CSNK1A1: variants seen among roughly 807,000 people sequenced by gnomAD.
The protein encoded by CSNK1A1 is casein kinase I isoform alpha.
Under a neutral mutation model 46.1 loss-of-function variants are expected in CSNK1A1, and 7 were observed. The ratio of observed to expected loss-of-function variants is 0.15; its 90% CI spans 0.09 to 0.29. The LOEUF (loss-of-function observed/expected upper bound fraction) is 0.29. Among genes scored for constraint, CSNK1A1 ranks in the 10% least tolerant of loss-of-function variants. The pLI is 1.00. For missense variants in CSNK1A1, 96 were observed against 417.1 expected (o/e 0.23, Z 6.71); for synonymous variants, 137 against 141.5 (o/e 0.97, Z 0.23).
chr5:149,542,661 TATATATATATGTATATATATATATATA>T lies in CSNK1A1; in HGVS notation c.230+7387_230+7413del, dbSNP rs1762328878. 2.6e-4 allele frequency among the ~76,000 whole-genome samples: 3 copies of T among 11,470 alleles called. 1 individual carries two copies. The highest frequency in any genetic ancestry group is 4.4e-4 in the Non-Finnish European group (3 of 6,752). The allele number at this position is 11,470 out of a possible 152,430, so 7.5% of individuals were successfully genotyped here. On this transcript the variant is annotated intron_variant, in intron 2 of 9. Transcript: ENST00000377843. Reference sequence around the variant, plus strand: ...ATATGTATATATATATATATATATATATATATATATGTATATATATATATATATATATTTTTTTTTTTTTTTTTTTTT... The same window carrying T: ...ATATGTATATATATATATATATATATTATATTTTTTTTTTTTTTTTTTTTT...
At chr5:149,507,464 CT>C (rs572610497) in intron 7 of CSNK1A1, among the ~76,000 whole-genome samples, 233 of 144,900 alleles carry the variant, frequency 1.6e-3, no homozygotes, top group Admixed American at 1.5e-3. Context: ...TCTTCGTGAA[CT>C]TTTTTTTTTT....
At position 149,550,680 on chromosome 5, in the gene CSNK1A1, G is replaced by A. The variant is rs565384667; in HGVS notation, c.123+162C>T. 6.6e-6 allele frequency among the ~76,000 whole-genome samples: 1 copy of A among 152,062 alleles called. No individual in the cohort carries two copies. Among genetic ancestry groups the A allele is most frequent in the Non-Finnish European group, 1.5e-5 (1 of 68,016 alleles). On this transcript the variant is annotated intron_variant, in intron 1 of 9. Transcript: ENST00000377843. This position sits in a 1 kb window ranked among gnomAD's most constrained non-coding sequence, Gnocchi z 4.3. ...CTATCGGGTTCTTGACCCTTTTAGG[G>A]AGACAGCGGACGAGGTTCGTAAGCC...
chr5:149,550,831 C>T lies in CSNK1A1; in HGVS notation c.123+11G>A. The T allele has an allele frequency of 6.2e-7, 1 of 1,613,876 alleles. No individual in the cohort carries two copies. Among genetic ancestry groups the T allele is most frequent in the Non-Finnish European group, 8.5e-7 (1 of 1,179,864 alleles). On this transcript the variant is annotated intron_variant, in intron 1 of 9. Transcript: ENST00000377843. The surrounding 1 kb of genome is among the most constrained non-coding windows in gnomAD (Gnocchi z 4.3). ...CGCAGCGTTATCGTGAACCCCACCC[C>T]AGATGATTACCTCGCCGTTGGTGAT...
intron 3 of CSNK1A1, among the ~76,000 whole-genome samples, chr5:149,521,219 T>C (rs1362199444): frequency 1.3e-5 from 2 of 152,004 alleles, no homozygotes; most frequent in East Asian, 1.9e-4. Flanking sequence ...TTTTGATAGA[T>C]AATATCACAC....
At chr5:149,535,880 A>C (rs1762046503) in intron 2 of CSNK1A1, among the ~76,000 whole-genome samples, 1 of 152,050 alleles carries the variant, frequency 6.6e-6, no homozygotes. Context: ...TCCTGACCTC[A>C]AGTGATCCAC....
At chr5:149,529,748 C>T (rs1031501993) in intron 2 of CSNK1A1, 2 of 456,064 alleles carry the variant, frequency 4.4e-6, no homozygotes, top group Admixed American at 2.4e-5. Context: ...ACTATTACTA[C>T]AGTTTGTGGC....
rs1365947289 is a variant in CSNK1A1, at chr5:149,505,623, A to C, written c.858-28T>G. 3.2e-6 allele frequency: 5 copies of C among 1,581,006 alleles called. No homozygotes were observed. The East Asian group carries it at 1.1e-4, about 35-fold the overall frequency. On this transcript the variant is annotated intron_variant, in intron 8 of 9. Coordinates refer to ENST00000377843, the MANE Select transcript of CSNK1A1 (RefSeq NM_001892.6). ...GGAACACATAAAATATTTTATGTTA[A>C]TCCTTTAATAACAGAGTCCAGTTAT...
In CSNK1A1 at chr5:149,522,909, A is replaced by G. The variant is rs112076541; in HGVS notation, c.357+2136T>C. Among the ~76,000 whole-genome samples the G allele has an allele frequency of 8.4e-4, 128 of 152,320 alleles. 2 individuals are homozygous for G. The highest frequency in any genetic ancestry group is 2.8e-3 in the African/African-American group (117 of 41,576). ...TTATTTTTTTGCCACCCCAACCCCC[A>G]GCACTAAGTACAGTGGTAGGCTCTC... On this transcript the variant is annotated intron_variant, in intron 3 of 9. Transcript: ENST00000377843.
chr5:149,550,941 C>T lies in CSNK1A1; in HGVS notation c.24G>A (p.Lys8=), dbSNP rs1462221885. The T allele has an allele frequency of 6.2e-7, 1 of 1,614,166 alleles. No homozygotes were observed. Among genetic ancestry groups the T allele is most frequent in the Non-Finnish European group, 8.5e-7 (1 of 1,180,022 alleles). ...ATTTCCCTCCGACAATGAATTCAGC[C>T]TTGGAGCCGCTGCTACTCGCCATCC... The part of the protein sequence containing the change: MASSSGS[K]AEFIVGGKYK... Residue 8 remains lysine, a synonymous_variant, in exon 1 of 10, where the codon AAG becomes AAA. Transcript: ENST00000377843. The surrounding 1 kb of genome is among the most constrained non-coding windows in gnomAD (Gnocchi z 4.3).
intron 9 of CSNK1A1, chr5:149,502,520 T>TGGGGG (rs61707983): frequency 2.7e-4 from 6 of 21,928 alleles, no homozygotes; most frequent in African/African-American, 6.0e-4. Context: ...TTTTTTTTTT[T>TGGGGG]GGGGGGGGGG....
Position 149,511,859 on chromosome 5 carries a change from T to C in CSNK1A1, c.610A>G (p.Met204Val). 6.2e-7 allele frequency: 1 copy of C among 1,608,254 alleles called. No individual in the cohort carries two copies. The highest frequency in any genetic ancestry group is 8.5e-7 in the Non-Finnish European group (1 of 1,177,674). ...LGIEQSRRDDMESLGYVLMYF... is the reference protein window; with the variant it reads ...LGIEQSRRDDVESLGYVLMYF... ...ATCAAAACATATCCTAATGATTCCA[T>C]GTCATCTCGGCGACTAGAAAAGAGA... The change falls in exon 6 of 10, where the codon ATG (methionine) becomes GTG (valine). Residue 204 changes from methionine (M) to valine (V), a missense_variant. Coordinates refer to ENST00000377843, the MANE Select transcript of CSNK1A1 (RefSeq NM_001892.6).
At chr5:149,519,332 T>C (rs1761494100) in intron 4 of CSNK1A1, among the ~76,000 whole-genome samples, 1 of 151,772 alleles carries the variant, frequency 6.6e-6, no homozygotes. Context: ...GTAAAACAAA[T>C]GGGCATCTTC....
Position 149,550,391 on chromosome 5 carries a change from G to A in CSNK1A1, c.124-210C>T. The A allele has an allele frequency of 7.4e-7, 1 of 1,345,472 alleles. No individual in the cohort carries two copies. Among genetic ancestry groups the A allele is most frequent in the South Asian group, 1.8e-5 (1 of 54,394 alleles). 83.3% of individuals were successfully genotyped at this position (1,345,472 alleles called of 1,614,324 possible). A position where few individuals can be genotyped will look rare whatever the true frequency, so the allele number is the denominator to read the frequency against. On this transcript the variant is annotated intron_variant, in intron 1 of 9. Transcript: ENST00000377843. The surrounding 1 kb of genome is among the most constrained non-coding windows in gnomAD (Gnocchi z 4.3). The stretch of plus-strand genomic sequence containing the variant: ...TGACGAAATCCGTACGTCCTCTAAA[G>A]TGCAGGAAAATGATTCATCCAGAAA...
At chr5:149,536,060 T>C (rs1762052883) in intron 2 of CSNK1A1, among the ~76,000 whole-genome samples, 1 of 152,080 alleles carries the variant, frequency 6.6e-6, no homozygotes, top group Non-Finnish European at 1.5e-5. Context: ...TTCAAGTGAT[T>C]CTCCTGCCTC....
chr5:149,498,826 T>C (rs765377202), intron 9 of CSNK1A1: 8 of 985,284 alleles, frequency 8.1e-6, no homozygotes, highest in Non-Finnish European at 9.6e-6. Flanking sequence ...ACATGCTACA[T>C]TGTCAGTCAA....
intron 9 of CSNK1A1, among the ~76,000 whole-genome samples, chr5:149,500,224 G>A (rs1467026244): frequency 6.7e-6 from 1 of 148,398 alleles, no homozygotes; most frequent in African/African-American, 2.5e-5. Context: ...TGCAAGCTCC[G>A]CCTCCTGGGT....
intron 4 of CSNK1A1, among the ~76,000 whole-genome samples, chr5:149,518,929 C>G (rs1173391698): frequency 6.6e-6 from 1 of 151,788 alleles, no homozygotes; most frequent in South Asian, 2.1e-4. Context: ...GGTAAGAAAA[C>G]AGGAAGGAGA....
intron 2 of CSNK1A1, among the ~76,000 whole-genome samples, chr5:149,534,504 A>T (rs1381939901): frequency 7.3e-6 from 1 of 137,864 alleles, no homozygotes; most frequent in Non-Finnish European, 1.6e-5. Context: ...AAAAAAAAAA[A>T]AAAAGAAGGC....
intron 9 of CSNK1A1, chr5:149,501,835 TTTTTG>T (rs1580818009): frequency 1.0e-6 from 1 of 977,276 alleles, no homozygotes; most frequent in East Asian, 1.1e-4. Context: ...GAAAAATACT[TTTTTG>T]ATAATCACAT....
Sources: gnomAD v4.1 joint callset for allele counts (sites outside exome capture counted in the v4.1 genomes callset) on GRCh38, gnomAD v4.1.1 for gene constraint, Gnocchi (gnomAD v3.1) non-coding constraint, MANE v1.5 for transcripts, NCBI Gene and HGNC (gene_info 2026-07-23, HGNC 2026-07-21) for gene names.